Variants in LRP1B observed in about 807,000 individuals in gnomAD.
The protein encoded by LRP1B is low-density lipoprotein receptor-related protein 1B.
A neutral mutation model predicts 556.6 loss-of-function variants in LRP1B; 217 were observed. That is an observed-to-expected ratio of 0.39 (90% CI 0.35 to 0.44). The LOEUF (loss-of-function observed/expected upper bound fraction) is 0.44. Ranked by LOEUF, LRP1B falls within the 20% of genes least tolerant of loss-of-function variation. The probability of loss-of-function intolerance (pLI) is 1.00; values close to 1 mark genes in which losing one functional copy is unlikely to be tolerated. For synonymous variants in LRP1B, 2,047 were observed against 1,865.8 expected, an observed-to-expected ratio of 1.10 and a Z score of -2.50; for missense variants, 5,053 against 5,620.8, an observed-to-expected ratio of 0.90 and a Z score of 3.23.
intron 8 of LRP1B, among the ~76,000 whole-genome samples, chr2:141,061,388 A>C (rs1699330514): frequency 6.6e-6 from 1 of 151,984 alleles, no homozygotes; most frequent in Non-Finnish European, 1.5e-5. Context: ...AAGTGCCATT[A>C]GTGAGATAAA....
At chr2:141,464,207 C>G (rs1052330157) in intron 3 of LRP1B, among the ~76,000 whole-genome samples, 18 of 152,134 alleles carry the variant, frequency 1.2e-4, no homozygotes, top group Admixed American at 3.9e-4. Flanking sequence ...TGAGTTTACC[C>G]TTGCTAAAAA....
rs1372464935 is a variant in LRP1B at position 140,231,538 on chromosome 2, C to T, written c.*1648G>A. 6.6e-6 allele frequency: 1 copy of T among 151,674 alleles called. No homozygotes were observed. Among genetic ancestry groups the T allele is most frequent in the Admixed American group, 6.6e-5 (1 of 15,102 alleles). The allele number at this position is 151,674 out of a possible 1,614,324, so 9.4% of individuals were successfully genotyped here. On this transcript the variant is annotated 3_prime_UTR_variant, in exon 91 of 91. Coordinates refer to ENST00000389484, the MANE Select transcript of LRP1B (RefSeq NM_018557.3). ...TATATTATAACCAAAATGAAAAATA[C>T]TGTTCAATTTAAAAAATGTACTTAA...
chr2:141,095,892 C>T (rs1419457896), intron 7 of LRP1B, among the ~76,000 whole-genome samples: 1 of 152,042 alleles, frequency 6.6e-6, no homozygotes, highest in Non-Finnish European at 1.5e-5. Context: ...GTACATTCTT[C>T]CCAGATGGAG....
At chr2:141,777,054 T>A (rs549427474) in intron 2 of LRP1B, among the ~76,000 whole-genome samples, 9 of 152,268 alleles carry the variant, frequency 5.9e-5, no homozygotes, top group Admixed American at 3.9e-4. Flanking sequence ...TTCTGATAAA[T>A]AAAGTGGAGG....
chr2:140,933,963 AAC>A (rs1491160970), intron 20 of LRP1B, among the ~76,000 whole-genome samples: 4 of 95,178 alleles, frequency 4.2e-5, no homozygotes, highest in East Asian at 3.3e-4. Context: ...TGTCTTGGAA[AAC>A]AAAAAGAGGT....
At chr2:142,027,150 A>C (rs1202718537) in intron 1 of LRP1B, among the ~76,000 whole-genome samples, 2 of 151,924 alleles carry the variant, frequency 1.3e-5, no homozygotes, top group African/African-American at 4.8e-5. Context: ...GGCCATGTGA[A>C]TACTGCTTCC....
intron 66 of LRP1B, among the ~76,000 whole-genome samples, chr2:140,414,440 A>G (rs1205417910): frequency 6.6e-6 from 1 of 152,140 alleles, no homozygotes; most frequent in Non-Finnish European, 1.5e-5. Context: ...CACCTAAACA[A>G]TCCACATTTA....
At chr2:142,074,049 A>C (rs567208573) in intron 1 of LRP1B, among the ~76,000 whole-genome samples, 39 of 151,828 alleles carry the variant, frequency 2.6e-4, no homozygotes, top group African/African-American at 8.2e-4. Context: ...CTAATATACC[A>C]TCTCTTTTCT....
intron 45 of LRP1B, among the ~76,000 whole-genome samples, chr2:140,538,947 A>C (rs1187966426): frequency 6.6e-6 from 1 of 152,168 alleles, no homozygotes; most frequent in Non-Finnish European, 1.5e-5. Context: ...CATTGTATGA[A>C]TACAATTCTT....
At chr2:141,905,891 G>T (rs1392251412) in intron 1 of LRP1B, among the ~76,000 whole-genome samples, 1 of 150,058 alleles carries the variant, frequency 6.7e-6, no homozygotes. Context: ...GAGGACAAGA[G>T]ATGCTTGTGT....
At chr2:141,949,490 A>C (rs1481317969) in intron 1 of LRP1B, among the ~76,000 whole-genome samples, 1 of 152,146 alleles carries the variant, frequency 6.6e-6, no homozygotes, top group African/African-American at 2.4e-5. Context: ...TCCTGGGTTC[A>C]AGCAATTCTC....
chr2:142,073,597 T>G (rs2104916132), intron 1 of LRP1B, among the ~76,000 whole-genome samples: 1 of 152,152 alleles, frequency 6.6e-6, no homozygotes, highest in South Asian at 2.1e-4. Context: ...CAGCAGTCTG[T>G]TTTTATGTAA....
intron 12 of LRP1B, among the ~76,000 whole-genome samples, chr2:141,017,869 T>C (rs1697951872): frequency 6.6e-6 from 1 of 151,660 alleles, no homozygotes; most frequent in Middle Eastern, 3.2e-3. Context: ...CGGTGGCCTG[T>C]GCCTGTAATT....
intron 31 of LRP1B, among the ~76,000 whole-genome samples, chr2:140,827,990 C>G (rs1691568009): frequency 6.8e-6 from 1 of 147,826 alleles, no homozygotes; most frequent in Non-Finnish European, 1.5e-5. Flanking sequence ...AAGAAAAAAG[C>G]TGCTGAGCAA....
intron 2 of LRP1B, among the ~76,000 whole-genome samples, chr2:141,498,663 A>C: frequency 6.6e-6 from 1 of 152,080 alleles, no homozygotes; most frequent in Middle Eastern, 3.2e-3. Flanking sequence ...CATCCTGCAA[A>C]GGAGCTGCTT....
intron 43 of LRP1B, among the ~76,000 whole-genome samples, chr2:140,596,971 A>G (rs568332358): frequency 1.3e-5 from 2 of 152,226 alleles, no homozygotes; most frequent in African/African-American, 4.8e-5. Flanking sequence ...AAGTCTTAAT[A>G]AATCTGCACA....
intron 1 of LRP1B, among the ~76,000 whole-genome samples, chr2:141,969,726 C>T (rs1701672088): frequency 6.6e-6 from 1 of 151,612 alleles, no homozygotes; most frequent in African/African-American, 2.4e-5. Flanking sequence ...GCAAACATCT[C>T]TTCGACATAC....
At chr2:141,142,419 C>T (rs1230388586) in intron 7 of LRP1B, among the ~76,000 whole-genome samples, 2 of 152,270 alleles carry the variant, frequency 1.3e-5, no homozygotes, top group East Asian at 1.9e-4. Flanking sequence ...GTCCTTTCTT[C>T]CCTAAGCTTC....
At chr2:141,200,162 G>A (rs1214824830) in intron 6 of LRP1B, among the ~76,000 whole-genome samples, 2 of 152,094 alleles carry the variant, frequency 1.3e-5, no homozygotes, top group South Asian at 2.1e-4. Flanking sequence ...TAGCAAAGAC[G>A]TGGAATCAAC....
Sources: gnomAD v4.1 joint callset for allele counts (sites outside exome capture counted in the v4.1 genomes callset) on GRCh38, gnomAD v4.1.1 for gene constraint, MANE v1.5 for transcripts, NCBI Gene and HGNC (gene_info 2026-07-23, HGNC 2026-07-21) for gene names.